GLB1: variants seen among roughly 807,000 people sequenced by gnomAD.
GLB1 encodes the protein galactosidase beta 1.
Under a neutral mutation model 74.0 loss-of-function variants are expected in GLB1, and 56 were observed. The ratio of observed to expected loss-of-function variants is 0.76; its 90% CI spans 0.61 to 0.94. GLB1 has a LOEUF of 0.94. Among genes scored for constraint, GLB1 ranks in the 40% least tolerant of loss-of-function variants. The probability of loss-of-function intolerance (pLI) is 0.00; values close to 1 mark genes in which losing one functional copy is unlikely to be tolerated. For synonymous variants in GLB1, 323 were observed against 323.6 expected (o/e 1.00, Z 0.02); for missense variants, 787 against 845.5 (o/e 0.93, Z 0.86).
chr3:33,018,186 C>T (rs558434256), intron 13 of GLB1, among the ~76,000 whole-genome samples: 19 of 147,734 alleles, frequency 1.3e-4, no homozygotes, highest in Admixed American at 5.5e-4. Context: ...CTTGGGAGGC[C>T]GAGGTAGCAG....
intron 10 of GLB1, chr3:33,045,381 T>A: frequency 1.0e-6 from 1 of 985,166 alleles, no homozygotes; most frequent in Non-Finnish European, 1.2e-6. Flanking sequence ...TCTACTTTTA[T>A]ATAAAGGGAA....
intron 14 of GLB1, among the ~76,000 whole-genome samples, chr3:33,015,478 C>T (rs1318821002): frequency 1.3e-5 from 2 of 152,214 alleles, no homozygotes; most frequent in Non-Finnish European, 2.9e-5. Flanking sequence ...GCTAACTTCC[C>T]CTTCCCTGGC....
chr3:33,060,412 C>G (rs537287914), intron 5 of GLB1, among the ~76,000 whole-genome samples: 1 of 152,288 alleles, frequency 6.6e-6, no homozygotes, highest in East Asian at 1.9e-4. Flanking sequence ...TTTGTAAATA[C>G]TGGCAAAGTT....
intron 15 of GLB1, among the ~76,000 whole-genome samples, chr3:33,001,915 T>C (rs1696588504): frequency 6.6e-6 from 1 of 152,240 alleles, no homozygotes; most frequent in African/African-American, 2.4e-5. Context: ...TTAATATAAT[T>C]TACCTTTAAA....
chr3:33,035,230 G>A (rs770615731), intron 10 of GLB1, among the ~76,000 whole-genome samples: 4 of 152,150 alleles, frequency 2.6e-5, no homozygotes, highest in Middle Eastern at 3.4e-3. Context: ...TCAGGAGTTC[G>A]AGAGCAGCCC....
chr3:32,985,113 A>G, the GLB1 span, among the ~76,000 whole-genome samples: 5 of 151,300 alleles, frequency 3.3e-5, no homozygotes, highest in Admixed American at 3.3e-4. Context: ...TCAAAAAAAA[A>G]AAAAAAAAAA....
At chr3:33,058,773 A>G (rs1449214419) in intron 5 of GLB1, among the ~76,000 whole-genome samples, 5 of 152,204 alleles carry the variant, frequency 3.3e-5, no homozygotes, top group East Asian at 1.9e-4. Flanking sequence ...CAAAACTGGC[A>G]TATTATATGC....
At chr3:33,016,890 G>A in intron 13 of GLB1, 50 bp from the exon 14 acceptor site, 1 of 1,605,974 alleles carries the variant, frequency 6.2e-7, no homozygotes, top group Non-Finnish European at 8.5e-7. Flanking sequence ...AAGAAGGTCA[G>A]CAAGGAGAGG....
At chr3:32,979,777 A>G in the GLB1 span, among the ~76,000 whole-genome samples, 2,038 of 149,374 alleles carry the variant, frequency 0.014, 19 homozygotes, top group Non-Finnish European at 0.02. Context: ...GCTGGAGCCC[A>G]GGGGGTCAAG....
At chr3:32,985,172 A>G in the GLB1 span, among the ~76,000 whole-genome samples, 1 of 150,958 alleles carries the variant, frequency 6.6e-6, no homozygotes, top group Admixed American at 6.6e-5. Flanking sequence ...TTACTATTCC[A>G]TCAGCTTTTT....
intron 1 of GLB1, among the ~76,000 whole-genome samples, chr3:33,089,894 C>T (rs2125580220): frequency 6.6e-6 from 1 of 152,138 alleles, no homozygotes; most frequent in South Asian, 2.1e-4. Context: ...TTAAGATCAA[C>T]AACAACAAAA....
At chr3:33,083,397 CAAAAA>C (rs60737086) in intron 1 of GLB1, among the ~76,000 whole-genome samples, 2 of 104,210 alleles carry the variant, frequency 1.9e-5, no homozygotes, top group African/African-American at 3.6e-5. Flanking sequence ...AACTCTGTCT[CAAAAA>C]AAAAAAAAAA....
chr3:33,096,682 C>T, intron 1 of GLB1: 4 of 1,155,656 alleles, frequency 3.5e-6, no homozygotes, highest in Non-Finnish European at 4.3e-6. Context: ...TTGGAATCCC[C>T]TCCCGGAAAG....
intron 9 of GLB1, among the ~76,000 whole-genome samples, chr3:33,050,962 C>T (rs1048343159): frequency 1.3e-5 from 2 of 152,236 alleles, no homozygotes; most frequent in African/African-American, 2.4e-5. Flanking sequence ...GGCGCAGTGG[C>T]TCACGCCTGT....
At chr3:33,038,885 A>G (rs1559394697) in intron 10 of GLB1, among the ~76,000 whole-genome samples, 1 of 152,218 alleles carries the variant, frequency 6.6e-6, no homozygotes, top group South Asian at 2.1e-4. Flanking sequence ...TCTCTTTTGG[A>G]AGAAAAAACA....
chr3:32,962,305 C>T, the GLB1 span, among the ~76,000 whole-genome samples: 2 of 152,000 alleles, frequency 1.3e-5, no homozygotes, highest in African/African-American at 2.4e-5. Context: ...ATTAAGGAAA[C>T]ATGTCCAAAA....
intron 14 of GLB1, among the ~76,000 whole-genome samples, chr3:33,015,315 C>A (rs947760589): frequency 6.6e-6 from 1 of 152,194 alleles, no homozygotes; most frequent in Non-Finnish European, 1.5e-5. Context: ...AGTCACTCAC[C>A]TGTTATGAGG....
rs200050465 is a variant in GLB1, at chr3:33,053,501, T to G, written c.782A>C (p.Lys261Thr). The stretch of plus-strand genomic sequence containing the variant: ...ACCCTCGATTCTTACCAAGGGTCCT[T>G]TGGGCTCACACTTCCTCTGGCTTAG... ...AFLSQRKCEPKGPLINSEFYT... is the reference protein window; with the variant it reads ...AFLSQRKCEPTGPLINSEFYT... Residue 261 changes from lysine to threonine, a missense_variant, in exon 7 of 16, where the codon AAA becomes ACA. Physicochemically the swap from Lys to Thr is moderately conservative, Grantham distance 78. Transcript: ENST00000307363. 2 of 1,614,174 alleles carry G rather than the reference T, an allele frequency of 1.2e-6. No homozygotes were observed.
chr3:33,043,582 T>G (rs1449092980), intron 10 of GLB1, among the ~76,000 whole-genome samples: 1 of 151,938 alleles, frequency 6.6e-6, no homozygotes, highest in Non-Finnish European at 1.5e-5. Context: ...CGAATAGAAA[T>G]TATAAAATAA....
Sources: allele counts gnomAD v4.1 joint callset (sites outside exome capture counted in the v4.1 genomes callset), GRCh38; gene constraint gnomAD v4.1.1; transcripts MANE v1.5; gene names NCBI Gene and HGNC (gene_info 2026-07-23, HGNC 2026-07-21).